ALAS2: variants seen among roughly 807,000 people sequenced by gnomAD.
The protein encoded by ALAS2 is 5-aminolevulinate synthase, erythroid-specific, mitochondrial.
A neutral mutation model predicts 33.7 loss-of-function variants in ALAS2; 3 were observed. The ratio of observed to expected loss-of-function variants is 0.09; its 90% CI spans 0.04 to 0.23. The LOEUF (loss-of-function observed/expected upper bound fraction) is 0.23. Among genes scored for constraint, ALAS2 ranks in the 10% least tolerant of loss-of-function variants. ALAS2 has a pLI of 1.00. For synonymous variants in ALAS2, 191 were observed against 177.3 expected, an observed-to-expected ratio of 1.08 and a Z score of -0.61; for missense variants, 304 against 475.1, an observed-to-expected ratio of 0.64 and a Z score of 3.35.
At chrX:55,017,371 A>G in intron 7 of ALAS2, 115 bp downstream of exon 7, 2 of 750,423 alleles carry the variant, frequency 2.7e-6, no homozygotes, top group Non-Finnish European at 4.1e-6. Flanking sequence ...TGCTTGGCAC[A>G]TAATAAACAC....
intron 10 of ALAS2, among the ~76,000 whole-genome samples, chrX:55,013,269 ATTGT>A (rs1320648679): frequency 1.8e-5 from 2 of 111,606 alleles, no homozygotes; most frequent in Non-Finnish European, 3.8e-5. Context: ...CCTTAGTGTC[ATTGT>A]TTGTGTTCAC....
At chrX:55,019,013 G>A (rs1410295348) in intron 6 of ALAS2, among the ~76,000 whole-genome samples, 1 of 111,233 alleles carries the variant, frequency 9.0e-6, no homozygotes, top group East Asian at 2.8e-4. Flanking sequence ...TTTCTGAGAA[G>A]TGGTGGTAAT....
At chrX:55,029,316 G>A (rs140537153) in intron 1 of ALAS2, among the ~76,000 whole-genome samples, 45 of 111,246 alleles carry the variant, frequency 4.0e-4, no homozygotes, top group African/African-American at 1.4e-3. Context: ...CATAGATTCC[G>A]CCTAGTTCTG....
intron 4 of ALAS2, among the ~76,000 whole-genome samples, chrX:55,021,930 T>C (rs1288571070): frequency 8.9e-6 from 1 of 112,098 alleles, no homozygotes; most frequent in African/African-American, 3.2e-5. Context: ...AAATATTTAA[T>C]TTATTCCTCA....
intron 7 of ALAS2, 73 bp downstream of exon 7, chrX:55,017,413 A>T (rs1227048763): frequency 1.1e-6 from 1 of 870,603 alleles, no homozygotes; most frequent in East Asian, 3.2e-5. Context: ...TGTTATCGTC[A>T]TCATCATCAT....
chrX:55,009,568 A>G (rs979881837), intron 10 of ALAS2, among the ~76,000 whole-genome samples: 6 of 111,495 alleles, frequency 5.4e-5, no homozygotes, highest in African/African-American at 2.0e-4. Context: ...CTTTGACACA[A>G]TTTGAAGCCA....
chrX:55,029,777 A>G (rs1042826809), intron 1 of ALAS2, among the ~76,000 whole-genome samples: 1 of 111,845 alleles, frequency 8.9e-6, no homozygotes, highest in African/African-American at 3.3e-5. Context: ...AACCAAAGAG[A>G]TGATGGTGAA....
At chrX:55,027,476 A>G (rs1288773438) in intron 1 of ALAS2, among the ~76,000 whole-genome samples, 1 of 110,686 alleles carries the variant, frequency 9.0e-6, no homozygotes, top group Non-Finnish European at 1.9e-5. Context: ...AGCTAGAGAG[A>G]GCAAGAAGGA....
At chrX:55,013,127 C>T (rs1365184117) in intron 10 of ALAS2, among the ~76,000 whole-genome samples, 1 of 111,729 alleles carries the variant, frequency 9.0e-6, no homozygotes, top group East Asian at 2.8e-4. Flanking sequence ...TTTAATACCA[C>T]TCACTTTGCA....
chrX:55,025,897 A>T lies in ALAS2; in HGVS notation c.104T>A (p.Ile35Asn). The T allele has an allele frequency of 8.3e-7, 1 of 1,211,754 alleles. No homozygotes were observed. The highest frequency in any genetic ancestry group is 1.1e-6 in the Non-Finnish European group (1 of 895,485). ...VVKTHQFLFG[I>N]GRCPILATQG... ...GGTAGCCAGGATGGGACAGCGTCCA[A>T]TACCAAACAGGAACTGGTGAGTCTT... Residue 35 changes from isoleucine (I) to asparagine (N), a missense_variant, in exon 2 of 11, where the codon ATT (isoleucine) becomes AAT (asparagine). Ile to Asn is a moderately radical substitution (Grantham distance 149, BLOSUM62 -3). Transcript: ENST00000650242.
At chrX:55,023,909 G>C (rs1161153477) in intron 3 of ALAS2, 42 bp from the exon 4 acceptor site, 1 of 1,079,709 alleles carries the variant, frequency 9.3e-7, no homozygotes, top group Admixed American at 2.3e-5. Context: ...AAGAGAATGG[G>C]GGAAAAAGAA....
chrX:55,021,466 T>C (rs1275920270), intron 4 of ALAS2, among the ~76,000 whole-genome samples, 192 bp from the exon 5 acceptor site: 2 of 112,266 alleles, frequency 1.8e-5, no homozygotes, highest in Non-Finnish European at 3.8e-5. Context: ...GCTTACTCAT[T>C]CACTCATTCA....
rs1402596696 is a variant in ALAS2 at position 55,030,104 on chromosome X, T to C, written c.-16+838A>G. On this transcript the variant is annotated intron_variant, in intron 1 of 10. Transcript: ENST00000650242. Reference sequence around the variant, plus strand: ...TGAAAGAATCATACAGAACTTTAGATAACTGTAATCAGAGAATCAGAAATT... The same window carrying C: ...TGAAAGAATCATACAGAACTTTAGACAACTGTAATCAGAGAATCAGAAATT... Among the ~76,000 whole-genome samples, 3 of 111,234 alleles carry C rather than the reference T, an allele frequency of 2.7e-5. No homozygotes were observed. The East Asian group carries it at 8.4e-4, about 31-fold the overall frequency.
intron 6 of ALAS2, among the ~76,000 whole-genome samples, chrX:55,019,872 G>A (rs1050785896): frequency 8.1e-5 from 9 of 111,777 alleles, no homozygotes; most frequent in African/African-American, 2.6e-4. Context: ...AGATAAGTTC[G>A]TAGGTTTGGT....
Position 55,021,147 on chromosome X carries a change from G to T in ALAS2, c.543C>A (p.Phe181Leu). 8.3e-7 allele frequency: 1 copy of T among 1,211,804 alleles called. No homozygotes were observed. The highest frequency in any genetic ancestry group is 1.8e-5 in the South Asian group (1 of 56,995). ...WADAYPFAQHFSEASVASKDV... is the reference protein window; with the variant it reads ...WADAYPFAQHLSEASVASKDV... ...CCTTTGAGGCCACAGATGCCTCAGAGAAATGTTGGGCAAAGGGATATGCAT... is the reference window on the plus strand; with the variant it reads ...CCTTTGAGGCCACAGATGCCTCAGATAAATGTTGGGCAAAGGGATATGCAT... Residue 181 changes from phenylalanine to leucine, a missense_variant, in exon 5 of 11, where the codon TTC becomes TTA. Physicochemically the swap from Phe to Leu is conservative, Grantham distance 22. Transcript: ENST00000650242.
chrX:55,029,033 A>C (rs1035013996), intron 1 of ALAS2, among the ~76,000 whole-genome samples: 15 of 112,229 alleles, frequency 1.3e-4, no homozygotes, highest in Non-Finnish European at 2.4e-4. Flanking sequence ...CATATAAAGC[A>C]TTTAGCAGAG....
chrX:55,012,963 A>G (rs1935627953), intron 10 of ALAS2, among the ~76,000 whole-genome samples: 1 of 111,831 alleles, frequency 8.9e-6, no homozygotes, highest in Non-Finnish European at 1.9e-5. Flanking sequence ...AGACTCATAG[A>G]TTGATACTCC....
intron 4 of ALAS2, among the ~76,000 whole-genome samples, chrX:55,022,973 AG>A (rs1935829535): frequency 8.9e-6 from 1 of 112,041 alleles, no homozygotes; most frequent in African/African-American, 3.2e-5. Flanking sequence ...ATTTTCTTTG[AG>A]TACATTTGTA....
intron 10 of ALAS2, 29 bp from the exon 11 acceptor site, chrX:55,009,372 A>C: frequency 8.5e-7 from 1 of 1,175,346 alleles, no homozygotes; most frequent in Non-Finnish European, 1.1e-6. Flanking sequence ...GGGGAGGGAA[A>C]AAATGGGTTA....
Sources: gnomAD v4.1 joint callset for allele counts (sites outside exome capture counted in the v4.1 genomes callset) on GRCh38, gnomAD v4.1.1 for gene constraint, MANE v1.5 for transcripts, NCBI Gene and HGNC (gene_info 2026-07-23, HGNC 2026-07-21) for gene names.